ZFAND3: variants seen among roughly 807,000 people sequenced by gnomAD.
The protein encoded by ZFAND3 is AN1-type zinc finger protein 3.
Under a neutral mutation model 29.6 loss-of-function variants are expected in ZFAND3, and 10 were observed. The observed-to-expected ratio is 0.34, with a 90% confidence interval of 0.21 to 0.57. ZFAND3 has a LOEUF of 0.57. ZFAND3 is among the 20% of genes least tolerant of loss of function. The probability of loss-of-function intolerance (pLI) is 0.86; values close to 1 mark genes in which losing one functional copy is unlikely to be tolerated. For synonymous variants in ZFAND3, 128 were observed against 112.6 expected, an observed-to-expected ratio of 1.14 and a Z score of -0.87; for missense variants, 230 against 304.5, an observed-to-expected ratio of 0.76 and a Z score of 1.82.
In ZFAND3 at chr6:38,129,954, T is replaced by A. The variant is rs137923671; in HGVS notation, c.529+13215T>A. On this transcript the variant is annotated intron_variant, in intron 5 of 5. Transcript: ENST00000287218. ...TATTGATTCTACCCATCCATGAGCA[T>A]GGGATGTGTTTCCATTTGTTTATGT... Among the ~76,000 whole-genome samples the A allele has an allele frequency of 5.7e-3, 864 of 152,302 alleles. 2 individuals carry two copies. The highest frequency in any genetic ancestry group is 8.9e-3 in the Non-Finnish European group (606 of 68,012).
chr6:37,991,511 C>G (rs1034545823), intron 2 of ZFAND3, among the ~76,000 whole-genome samples: 3 of 152,048 alleles, frequency 2.0e-5, no homozygotes, highest in Non-Finnish European at 4.4e-5. Flanking sequence ...TGCCACTACA[C>G]CTGGCTAATT....
chr6:38,114,961 A>C lies in ZFAND3; in HGVS notation c.362-1611A>C, dbSNP rs181118820. On this transcript the variant is annotated intron_variant, in intron 4 of 5. Coordinates refer to ENST00000287218, the MANE Select transcript of ZFAND3 (RefSeq NM_021943.3). ...TAAAGATAAGTGCTGTGGAGGAATA[A>C]AAGGGAAACAGACGAGGGGAAGTGC... is the stretch of plus-strand genomic sequence containing the variant. 7.9e-5 allele frequency among the ~76,000 whole-genome samples: 12 copies of C among 152,348 alleles called. No individual in the cohort carries two copies. In the East Asian group the frequency reaches 1.5e-3, roughly 20 times the overall value.
chr6:38,144,184 A>ATATATT (rs66561715), intron 5 of ZFAND3, among the ~76,000 whole-genome samples: 1 of 42,554 alleles, frequency 2.3e-5, no homozygotes, highest in African/African-American at 1.0e-4. Flanking sequence ...ATATATATAT[A>ATATATT]ATATATATAT....
At chr6:38,038,615 T>TC (rs1394200287) in intron 2 of ZFAND3, among the ~76,000 whole-genome samples, 41 of 151,978 alleles carry the variant, frequency 2.7e-4, no homozygotes, top group South Asian at 1.9e-3. Flanking sequence ...GAAAGTCGTT[T>TC]CCCCCCCGCT....
rs146711330 is a variant in ZFAND3 at position 38,123,562 on chromosome 6, G to C, written c.529+6823G>C. Among the ~76,000 whole-genome samples the C allele has an allele frequency of 1.6e-4, 24 of 152,296 alleles. No individual in the cohort carries two copies. The East Asian group carries it at 4.4e-3, about 28-fold the overall frequency. ...CTTTTATTATGACCAAAACTGATTT[G>C]ACTGGTGAAATGTTATCATTATTGC... On this transcript the variant is annotated intron_variant, in intron 5 of 5. Coordinates refer to ENST00000287218, the MANE Select transcript of ZFAND3 (RefSeq NM_021943.3).
At chr6:38,142,965 T>C (rs1765994536) in intron 5 of ZFAND3, 1 of 152,624 alleles carries the variant, frequency 6.6e-6, no homozygotes, top group African/African-American at 2.4e-5. Flanking sequence ...GGGCTGGGCA[T>C]TGAAGGGCTT....
intron 1 of ZFAND3, among the ~76,000 whole-genome samples, chr6:37,823,501 G>GACA (rs1046858449): frequency 1.3e-5 from 2 of 152,154 alleles, no homozygotes; most frequent in African/African-American, 4.8e-5. Context: ...GCCCAGTCAG[G>GACA]ACACTAATCA....
chr6:38,091,707 T>G (rs1764875560), intron 4 of ZFAND3, among the ~76,000 whole-genome samples: 1 of 149,896 alleles, frequency 6.7e-6, no homozygotes, highest in African/African-American at 2.5e-5. Context: ...TTTTTTTTTT[T>G]GCCCCACTCA....
intron 2 of ZFAND3, among the ~76,000 whole-genome samples, chr6:37,982,207 CT>C (rs200719187): frequency 3.6e-3 from 504 of 140,134 alleles, no homozygotes; most frequent in Non-Finnish European, 4.8e-3. Flanking sequence ...AGGTATGTAG[CT>C]TTTTTTTTTT....
At chr6:38,135,716 G>A (rs375595039) in intron 5 of ZFAND3, among the ~76,000 whole-genome samples, 9 of 152,162 alleles carry the variant, frequency 5.9e-5, no homozygotes, top group African/African-American at 2.2e-4. Flanking sequence ...CTGCATTCCA[G>A]CCTGGGCAAC....
chr6:37,896,557 T>TCTTTCTTTCTTTCTTTCTTTC (rs1765215365), intron 1 of ZFAND3, among the ~76,000 whole-genome samples: 2 of 149,406 alleles, frequency 1.3e-5, no homozygotes, highest in Non-Finnish European at 3.0e-5. Flanking sequence ...TTTCTTTCTT[T>TCTTTCTTTCTTTCTTTCTTTC]CTTTCTTTCT....
intron 2 of ZFAND3, among the ~76,000 whole-genome samples, chr6:37,940,827 A>G (rs1177078627): frequency 1.3e-5 from 2 of 152,266 alleles, no homozygotes; most frequent in Non-Finnish European, 2.9e-5. Context: ...TCCGGCTTGA[A>G]GAAAAAGAAA....
chr6:37,960,853 G>C (rs1484536186), intron 2 of ZFAND3, among the ~76,000 whole-genome samples: 1 of 152,066 alleles, frequency 6.6e-6, no homozygotes, highest in Non-Finnish European at 1.5e-5. Flanking sequence ...GCCGAGGCAA[G>C]AGGGTCACTT....
At chr6:37,943,703 A>G (rs1006410124) in intron 2 of ZFAND3, among the ~76,000 whole-genome samples, 7 of 152,186 alleles carry the variant, frequency 4.6e-5, no homozygotes, top group Admixed American at 1.3e-4. Flanking sequence ...TGCGAATCCC[A>G]TTAATCATGT....
At chr6:37,830,167 GAA>G (rs1174803872) in intron 1 of ZFAND3, among the ~76,000 whole-genome samples, 1 of 152,176 alleles carries the variant, frequency 6.6e-6, no homozygotes, top group African/African-American at 2.4e-5. Flanking sequence ...TTGCGGTGCA[GAA>G]AAGTCATTGG....
At chr6:37,881,033 A>G (rs1764886067) in intron 1 of ZFAND3, among the ~76,000 whole-genome samples, 1 of 151,548 alleles carries the variant, frequency 6.6e-6, no homozygotes, top group South Asian at 2.1e-4. Context: ...ATACTCTTCA[A>G]GGGAAGGCTG....
At chr6:38,124,990 T>C (rs1581939307) in intron 5 of ZFAND3, among the ~76,000 whole-genome samples, 1 of 152,190 alleles carries the variant, frequency 6.6e-6, no homozygotes, top group East Asian at 1.9e-4. Context: ...ACAGCAACAA[T>C]TGGGATGTAT....
intron 5 of ZFAND3, among the ~76,000 whole-genome samples, chr6:38,144,342 A>G (rs1185403407): frequency 4.0e-5 from 6 of 151,710 alleles, no homozygotes; most frequent in African/African-American, 7.3e-5. Context: ...GAGTTGATGT[A>G]CCACTTGAGA....
intron 3 of ZFAND3, among the ~76,000 whole-genome samples, chr6:38,069,754 T>C (rs775171862): frequency 5.9e-5 from 9 of 152,252 alleles, no homozygotes; most frequent in Non-Finnish European, 8.8e-5. Context: ...TGTTTTCTTA[T>C]AGAAATTCTT....
Sources: allele counts gnomAD v4.1 joint callset (sites outside exome capture counted in the v4.1 genomes callset), GRCh38; gene constraint gnomAD v4.1.1; transcripts MANE v1.5; gene names NCBI Gene and HGNC (gene_info 2026-07-23, HGNC 2026-07-21).